NIM1K: variants seen among roughly 807,000 people sequenced by gnomAD.
NIM1K encodes serine/threonine-protein kinase NIM1.
Under a neutral mutation model 37.1 loss-of-function variants are expected in NIM1K, and 35 were observed. That is an observed-to-expected ratio of 0.94 (90% CI 0.72 to 1.25). NIM1K has a LOEUF of 1.25. NIM1K is among the 50% of genes most tolerant of loss of function. The pLI is 0.00. For synonymous variants in NIM1K, 234 were observed against 206.6 expected (o/e 1.13, Z -1.14); for missense variants, 564 against 548.0 (o/e 1.03, Z -0.29).
intron 1 of NIM1K, among the ~76,000 whole-genome samples, chr5:43,243,157 A>G (rs919084281): frequency 6.6e-6 from 1 of 152,272 alleles, no homozygotes; most frequent in Non-Finnish European, 1.5e-5. Flanking sequence ...AGGACAGCAC[A>G]GTAATGAGGA....
intron 1 of NIM1K, among the ~76,000 whole-genome samples, chr5:43,225,260 C>CAAAAAAAAAAAAAAAAAAAAA (rs10555794): frequency 1.4e-5 from 1 of 72,674 alleles, no homozygotes; most frequent in Non-Finnish European, 2.5e-5. Context: ...ACCCTCTTTC[C>CAAAAAAAAAAAAAAAAAAAAA]AAAAAAAAAA....
intron 1 of NIM1K, among the ~76,000 whole-genome samples, chr5:43,214,853 G>T (rs898209944): frequency 1.3e-5 from 2 of 150,484 alleles, no homozygotes; most frequent in Admixed American, 6.6e-5. Context: ...AAAGAAATGT[G>T]CCCATTTTGT....
At chr5:43,210,404 C>G (rs1382992871) in intron 1 of NIM1K, among the ~76,000 whole-genome samples, 1 of 152,002 alleles carries the variant, frequency 6.6e-6, no homozygotes, top group African/African-American at 2.4e-5. Flanking sequence ...TATGAGGTGC[C>G]AGGCACTGTT....
intron 1 of NIM1K, chr5:43,232,959 G>T: frequency 8.9e-7 from 1 of 1,126,690 alleles, no homozygotes; most frequent in Non-Finnish European, 1.4e-6. Flanking sequence ...CAATTACCAT[G>T]GGTTTCAGGT....
intron 1 of NIM1K, among the ~76,000 whole-genome samples, chr5:43,216,270 G>C (rs532823148): frequency 2.5e-4 from 38 of 151,614 alleles, no homozygotes; most frequent in Admixed American, 7.2e-4. Flanking sequence ...CTCTGTGTTT[G>C]CTCAGGGCTG....
intron 1 of NIM1K, among the ~76,000 whole-genome samples, chr5:43,199,984 T>C (rs1402471208): frequency 6.6e-6 from 1 of 152,084 alleles, no homozygotes; most frequent in African/African-American, 2.4e-5. Flanking sequence ...CAAGTGATTC[T>C]CCTGCTTCGG....
intron 1 of NIM1K, among the ~76,000 whole-genome samples, chr5:43,203,919 G>C (rs987150453): frequency 4.6e-5 from 7 of 151,450 alleles, no homozygotes; most frequent in African/African-American, 1.7e-4. Flanking sequence ...CCAGCTACTC[G>C]GGAGGCTGAG....
In NIM1K at chr5:43,262,333, T is replaced by G. The variant is rs554258674; in HGVS notation, c.293-14724T>G. 5.9e-5 allele frequency among the ~76,000 whole-genome samples: 9 copies of G among 152,336 alleles called. No individual in the cohort carries two copies. The South Asian group carries it at 1.9e-3, about 32-fold the overall frequency. On this transcript the variant is annotated intron_variant, in intron 2 of 3. Transcript: ENST00000326035. ...TTGAAGAGGTCCTTCACATCCCTTG[T>G]AAGTTGGATTCCTAGGTATTTTATT...
chr5:43,280,119 C>T lies in NIM1K; in HGVS notation c.701C>T (p.Pro234Leu), dbSNP rs1753413975. Residue 234 changes from proline (P) to leucine (L), a missense_variant, in exon 4 of 4, where the codon CCT becomes CTT. Physicochemically the swap from Pro to Leu is moderately conservative, Grantham distance 98. Transcript: ENST00000326035. ...ATGCTGAACACTTTCTGTGGGTCTC[C>T]TCCCTACGCTGCGCCTGAACTCTTC... The part of the protein sequence containing the change: ...GEMLNTFCGS[P>L]PYAAPELFRD... 3 of 1,614,178 alleles carry T rather than the reference C, an allele frequency of 1.9e-6. No individual in the cohort carries two copies. Among genetic ancestry groups the T allele is most frequent in the African/African-American group, 2.7e-5 (2 of 75,048 alleles).
chr5:43,258,924 C>A (rs112397816), intron 2 of NIM1K, among the ~76,000 whole-genome samples: 428 of 148,486 alleles, frequency 2.9e-3, no homozygotes, highest in African/African-American at 9.3e-3. Flanking sequence ...CTCACCCCCT[C>A]CCACCCTACC....
intron 1 of NIM1K, among the ~76,000 whole-genome samples, chr5:43,212,123 G>T (rs1752212683): frequency 6.6e-6 from 1 of 152,124 alleles, no homozygotes; most frequent in Non-Finnish European, 1.5e-5. Context: ...GTGCCTTAAA[G>T]CATGTGCATC....
chr5:43,251,168 C>A (rs1277553747), intron 2 of NIM1K, among the ~76,000 whole-genome samples: 1 of 152,034 alleles, frequency 6.6e-6, no homozygotes, highest in East Asian at 1.9e-4. Flanking sequence ...ACAATAAAAA[C>A]CAGTATCACT....
At chr5:43,274,693 C>T (rs1294239227) in intron 2 of NIM1K, among the ~76,000 whole-genome samples, 1 of 152,228 alleles carries the variant, frequency 6.6e-6, no homozygotes, top group East Asian at 1.9e-4. Flanking sequence ...AGCTGCCCTC[C>T]CACCGCTCAG....
In NIM1K at chr5:43,280,330, A is replaced by G; in HGVS notation, c.912A>G (p.Gly304=). 1 of 1,614,178 alleles carries G rather than the reference A, an allele frequency of 6.2e-7. No individual in the cohort carries two copies. The highest frequency in any genetic ancestry group is 8.5e-7 in the Non-Finnish European group (1 of 1,180,034). ...AGCCCTGCCACCGACTCATCCGAGG[A>G]GTCCTTCAGCAGATCCCCACGGAGA... ...VSEPCHRLIR[G]VLQQIPTERY... Residue 304 remains glycine, a synonymous_variant, in exon 4 of 4, where the codon GGA becomes GGG. Transcript: ENST00000326035.
Position 43,280,754 on chromosome 5 carries a change from A to G in NIM1K, c.*25A>G, listed in dbSNP as rs745509119. 14 of 1,526,540 alleles carry G rather than the reference A, an allele frequency of 9.2e-6. No homozygotes were observed. The East Asian group carries it at 3.2e-4, about 35-fold the overall frequency. The allele number at this position is 1,526,540 out of a possible 1,614,324, so 94.6% of individuals were successfully genotyped here. ...AATTGCACTAGACTGCTTGTAACTA[A>G]CCAAGATGATTGTTGCTGCTTCTAA... On this transcript the variant is annotated 3_prime_UTR_variant, in exon 4 of 4. Transcript: ENST00000326035.
rs1454710547 is a variant in NIM1K, at chr5:43,280,434, T to G, written c.1016T>G (p.Leu339Arg). ...CCTACACCTTTGGAACCTTTCCAAC[T>G]GGATCCCAAACATTTGTCGGAAACC... ...PYPTPLEPFQ[L>R]DPKHLSETST... is the part of the protein sequence containing the mutation. Residue 339 changes from leucine (L) to arginine (R), a missense_variant, in exon 4 of 4, where the codon CTG becomes CGG. Transcript: ENST00000326035. The G allele has an allele frequency of 1.2e-6, 2 of 1,614,078 alleles. No individual in the cohort carries two copies. Among genetic ancestry groups the G allele is most frequent in the African/African-American group, 2.7e-5 (2 of 74,930 alleles).
At position 43,272,137 on chromosome 5, in the gene NIM1K, A is replaced by T. The variant is rs534028021; in HGVS notation, c.293-4920A>T. 4.0e-5 allele frequency among the ~76,000 whole-genome samples: 6 copies of T among 151,590 alleles called. No homozygotes were observed. In the East Asian group the frequency reaches 5.8e-4, roughly 15 times the overall value. ...AAAGCAACTAATGATGTTGAATATT[A>T]AAAAAATGCTTTATTGACAAAGGAA... On this transcript the variant is annotated intron_variant, in intron 2 of 3. Transcript: ENST00000326035.
intron 1 of NIM1K, among the ~76,000 whole-genome samples, chr5:43,244,334 C>T (rs188060899): frequency 6.6e-6 from 1 of 152,344 alleles, no homozygotes; most frequent in Non-Finnish European, 1.5e-5. Flanking sequence ...GCAGGACATA[C>T]CTACAAGTCA....
intron 2 of NIM1K, among the ~76,000 whole-genome samples, chr5:43,263,783 C>G (rs1207109808): frequency 6.6e-6 from 1 of 152,206 alleles, no homozygotes; most frequent in African/African-American, 2.4e-5. Context: ...CCTCTACACA[C>G]TGCTTTACAT....
Sources: gnomAD v4.1 joint callset for allele counts (sites outside exome capture counted in the v4.1 genomes callset) on GRCh38, gnomAD v4.1.1 for gene constraint, MANE v1.5 for transcripts, NCBI Gene and HGNC (gene_info 2026-07-23, HGNC 2026-07-21) for gene names.